The following ANK1 variants were observed in gnomAD, a reference collection of about 807,000 sequenced individuals.
The protein encoded by ANK1 is ankyrin 1.
A neutral mutation model predicts 210.4 loss-of-function variants in ANK1; 51 were observed. The ratio of observed to expected loss-of-function variants is 0.24; its 90% confidence interval spans 0.19 to 0.31. The LOEUF is 0.31. Ranked by LOEUF, ANK1 falls within the 10% of genes least tolerant of loss-of-function variation. The probability of loss-of-function intolerance (pLI) is 1.00; values close to 1 mark genes in which losing one functional copy is unlikely to be tolerated. For missense variants in ANK1, 2,051 were observed against 2,504.4 expected, an observed-to-expected ratio of 0.82 and a Z score of 3.86; for synonymous variants, 967 against 1,025.9, an observed-to-expected ratio of 0.94 and a Z score of 1.10.
chr8:41,725,162 T>G (rs1830358575), intron 6 of ANK1, among the ~76,000 whole-genome samples: 1 of 152,234 alleles, frequency 6.6e-6, no homozygotes, highest in South Asian at 2.1e-4. Flanking sequence ...AAGGCAGGCC[T>G]AACCCCACCC....
At chr8:41,779,395 GCACCACCA>G (rs1341820202) in intron 1 of ANK1, among the ~76,000 whole-genome samples, 1 of 152,096 alleles carries the variant, frequency 6.6e-6, no homozygotes. Flanking sequence ...CTACAGGTGA[GCACCACCA>G]CACCTAGCTA....
At chr8:41,688,007 G>T (rs982293156) in intron 35 of ANK1, 149 bp downstream of exon 35, 1,130 of 934,798 alleles carry the variant, frequency 1.2e-3, no homozygotes, top group Admixed American at 4.1e-3. Flanking sequence ...GGTGTGGCTT[G>T]GGCAGCAGAC....
rs147590192 is a variant in ANK1, at chr8:41,817,899, C to T, written c.127-59762G>A. Among the ~76,000 whole-genome samples, 177 of 152,288 alleles carry T rather than the reference C, an allele frequency of 1.2e-3. 2 individuals are homozygous for T. In the East Asian group the frequency reaches 0.021, roughly 18 times the overall value. On this transcript the variant is annotated intron_variant, in intron 1 of 42. Coordinates refer to the ANK1 transcript ENST00000265709. Reference sequence around the variant, plus strand: ...CCAGGGCCACTCCCAAAGACAGCCACGGAGAGAAACCCTGAGACGATGCTC... The same window carrying T: ...CCAGGGCCACTCCCAAAGACAGCCATGGAGAGAAACCCTGAGACGATGCTC...
chr8:41,840,602 T>G (rs529828616), intron 1 of ANK1, among the ~76,000 whole-genome samples: 2 of 152,310 alleles, frequency 1.3e-5, no homozygotes, highest in Non-Finnish European at 2.9e-5. Flanking sequence ...CTTCTCTCTG[T>G]GTCCTCACAC....
intron 2 of ANK1, among the ~76,000 whole-genome samples, chr8:41,745,657 ACAGC>A (rs1835933737): frequency 6.6e-6 from 1 of 152,110 alleles, no homozygotes; most frequent in Non-Finnish European, 1.5e-5. Context: ...TTTGGGAATC[ACAGC>A]CAGTATGAAG....
Position 41,654,721 on chromosome 8 carries a change from G to A in ANK1, c.*1069C>T, listed in dbSNP as rs1047655448. On this transcript the variant is annotated 3_prime_UTR_variant, in exon 43 of 43. Transcript: ENST00000289734. The stretch of plus-strand genomic sequence containing the variant: ...TCTATTGGTTTGCATAGTATTTATT[G>A]TTTTTCATATACACAAGGCTGATTA... 1.3e-5 allele frequency: 2 copies of A among 152,662 alleles called. No homozygotes were observed. The highest frequency in any genetic ancestry group is 4.8e-5 in the African/African-American group (2 of 41,456). 9.5% of individuals were successfully genotyped at this position (152,662 alleles called of 1,614,324 possible). A position where few individuals can be genotyped will look rare whatever the true frequency, so the allele number is the denominator to read the frequency against.
chr8:41,702,021 T>C, intron 21 of ANK1, 31 bp downstream of exon 21: 3 of 1,594,088 alleles, frequency 1.9e-6, no homozygotes, highest in Non-Finnish European at 1.7e-6. Flanking sequence ...TGAGTGTGTC[T>C]GGGGTGGGTG....
At chr8:41,727,821 G>T in intron 4 of ANK1, 87 bp downstream of exon 4, 1 of 1,244,752 alleles carries the variant, frequency 8.0e-7, no homozygotes. Context: ...GTGTTAACAC[G>T]GCTGCCAATG....
chr8:41,668,646 G>A (rs1811303852), intron 38 of ANK1, 82 bp from the exon 39 acceptor site: 1 of 1,421,216 alleles, frequency 7.0e-7, no homozygotes, highest in Admixed American at 2.1e-5. Context: ...ATTCCTTTTA[G>A]ACACTCTCCC....
Position 41,706,072 on chromosome 8 carries a change from C to G in ANK1, c.2097+71G>C, listed in dbSNP as rs1002686742. 3 of 1,455,080 alleles carry G rather than the reference C, an allele frequency of 2.1e-6. No individual in the cohort carries two copies. In the African/African-American group the frequency reaches 4.2e-5, roughly 20 times the overall value. The allele number at this position is 1,455,080 out of a possible 1,614,324, so 90.1% of individuals were successfully genotyped here. ...ACTGGGTCTTTGGGGTTTCAAAGCTCTGTGGAAGATTCAATTCTGAAGTGT... is the reference window on the plus strand; with the variant it reads ...ACTGGGTCTTTGGGGTTTCAAAGCTGTGTGGAAGATTCAATTCTGAAGTGT... On this transcript the variant is annotated intron_variant, in intron 18 of 42. Coordinates refer to ENST00000289734, the MANE Select transcript of ANK1 (RefSeq NM_000037.4).
chr8:41,665,430 C>T (rs1252371040), intron 39 of ANK1: 1 of 465,938 alleles, frequency 2.1e-6, no homozygotes, highest in East Asian at 7.0e-5. Flanking sequence ...TGCTGCCTAA[C>T]CCCGCCCTGC....
rs540719585 is a variant in ANK1 at position 41,655,833 on chromosome 8, G to A, written c.*37-80C>T. 3.3e-6 allele frequency: 5 copies of A among 1,501,342 alleles called. No homozygotes were observed. The African/African-American group carries it at 4.1e-5, about 12-fold the overall frequency. 93.0% of individuals were successfully genotyped at this position (1,501,342 alleles called of 1,614,324 possible). ...GCAAAAACCCCACACACAGAGTTTT[G>A]TGCTGGCAGCTCAGGCCGAATCTGA... On this transcript the variant is annotated intron_variant, in intron 42 of 42. Transcript: ENST00000289734.
chr8:41,792,923 T>G (rs1286611897), intron 1 of ANK1, among the ~76,000 whole-genome samples: 1 of 152,228 alleles, frequency 6.6e-6, no homozygotes, highest in Non-Finnish European at 1.5e-5. Context: ...ATCTACCATG[T>G]GGCAGGCACT....
In ANK1 at chr8:41,686,279, C is replaced by T. The variant is rs1181894895; in HGVS notation, c.4263G>A (p.Leu1421=). The T allele has an allele frequency of 1.2e-6, 2 of 1,613,488 alleles. No homozygotes were observed. Among genetic ancestry groups the T allele is most frequent in the African/African-American group, 2.7e-5 (2 of 74,878 alleles). ...CCACACTGAACTGCAGCTCCCGGGC[C>T]AACTCTGCAAGCAAAGAACCAACAG... ...SEHLGLSWAE[L]ARELQFSVED... The change falls in exon 36 of 43, where the codon TTG becomes TTA. Residue 1421 remains leucine, a synonymous_variant. Coordinates refer to ENST00000289734, the MANE Select transcript of ANK1 (RefSeq NM_000037.4).
intron 31 of ANK1, 95 bp downstream of exon 31, chr8:41,692,553 G>T: frequency 7.9e-7 from 1 of 1,270,934 alleles, no homozygotes; most frequent in Non-Finnish European, 1.1e-6. Context: ...CTCGTCTACA[G>T]AGGGAGGACT....
At chr8:41,841,473 C>A (rs886892064) in intron 1 of ANK1, among the ~76,000 whole-genome samples, 11 of 152,180 alleles carry the variant, frequency 7.2e-5, no homozygotes, top group Non-Finnish European at 2.9e-5. Flanking sequence ...AACATGCTAC[C>A]TACAGTAAAC....
chr8:41,854,630 G>A (rs946964621), intron 1 of ANK1, among the ~76,000 whole-genome samples: 1 of 152,200 alleles, frequency 6.6e-6, no homozygotes, highest in Non-Finnish European at 1.5e-5. Flanking sequence ...ATTGGCCCCA[G>A]ATGGGAGTAT....
In ANK1 at chr8:41,690,502, C is replaced by T. The variant is rs755926509; in HGVS notation, c.3956G>A (p.Arg1319Gln). 1.1e-5 allele frequency: 17 copies of T among 1,614,182 alleles called. No homozygotes were observed. In the East Asian group the frequency reaches 1.8e-4, roughly 17 times the overall value. ...QQRSFHFQSF[R>Q]ENRLAMPVKV... ...TACAGGCATGGCCAGACGGTTCTCC[C>T]GAAATGACTGGAAGTGGAAGCTCCG... The change falls in exon 32 of 43, where the codon CGG becomes CAG. Residue 1319 changes from arginine (R) to glutamine (Q), a missense_variant. By Grantham distance (43) the Arg-to-Gln change is conservative (BLOSUM62 1). Around this residue, in one of 6 missense-constraint regions of ANK1, gnomAD observed 1,413 missense variants for 1,707.4 expected, o/e 0.83. Transcript: ENST00000289734.
Position 41,696,571 on chromosome 8 carries a change from T to C in ANK1, c.2752A>G (p.Met918Val). ...PVHTGFLVSF[M>V]VDARGGSMRG... ...ATGGAACCACCCCGGGCGTCAACCA[T>C]GAAGCTCACCAGAAACCTAGGAGTG... The change falls in exon 26 of 43, where the codon ATG becomes GTG. Residue 918 changes from methionine (M) to valine (V), a missense_variant. Around this residue, in one of 6 missense-constraint regions of ANK1, gnomAD observed 1,413 missense variants for 1,707.4 expected, o/e 0.83. Transcript: ENST00000289734. 1.2e-6 allele frequency: 2 copies of C among 1,613,920 alleles called. No individual in the cohort carries two copies. Among genetic ancestry groups the C allele is most frequent in the South Asian group, 1.1e-5 (1 of 91,080 alleles).
Sources: allele counts gnomAD v4.1 joint callset (sites outside exome capture counted in the v4.1 genomes callset), GRCh38; gene constraint gnomAD v4.1.1; regional missense constraint gnomAD v4.1.1; transcripts MANE v1.5; gene names NCBI Gene and HGNC (gene_info 2026-07-23, HGNC 2026-07-21).